Variants in ANK3 observed in about 807,000 individuals in gnomAD.
ANK3 encodes ankyrin-3.
A neutral mutation model predicts 370.9 loss-of-function variants in ANK3; 57 were observed. The ratio of observed to expected loss-of-function variants is 0.15; its 90% CI spans 0.12 to 0.19. The LOEUF is 0.19. ANK3 is among the 10% of genes least tolerant of loss of function. The pLI is 1.00. For missense variants in ANK3, 4,439 were observed against 5,302.1 expected, an observed-to-expected ratio of 0.84 and a Z score of 5.06; for synonymous variants, 1,929 against 1,946.3, an observed-to-expected ratio of 0.99 and a Z score of 0.23.
chr10:60,525,229 CT>C (rs1339845606), intron 2 of ANK3, among the ~76,000 whole-genome samples: 1 of 152,034 alleles, frequency 6.6e-6, no homozygotes, highest in Non-Finnish European at 1.5e-5. Context: ...AAACATCCAT[CT>C]TGAAAAGAGA....
Position 60,073,853 on chromosome 10 carries a change from G to T in ANK3, c.7028C>A (p.Thr2343Asn). ...TTTGGTTTCTCTAATAATGACTTCA[G>T]TGGGCTCAGCTTGGTTACCTTTTTC... Reference protein sequence around the residue: ...HIEKGNQAEPTEVIIRETKKH... With the variant: ...HIEKGNQAEPNEVIIRETKKH... Residue 2343 changes from threonine (T) to asparagine (N), a missense_variant, in exon 37 of 44, where the codon ACT becomes AAT. By Grantham distance (65) the Thr-to-Asn change is moderately conservative. This residue lies in a region of ANK3 where 1,601 missense variants were observed against 1,731.7 expected (regional missense o/e 0.92). Transcript: ENST00000280772. 1 of 1,613,654 alleles carries T rather than the reference G, an allele frequency of 6.2e-7. No homozygotes were observed. Among genetic ancestry groups the T allele is most frequent in the Non-Finnish European group, 8.5e-7 (1 of 1,180,004 alleles).
intron 24 of ANK3, among the ~76,000 whole-genome samples, chr10:60,134,585 A>T (rs1291674963): frequency 6.6e-6 from 1 of 152,232 alleles, no homozygotes; most frequent in Non-Finnish European, 1.5e-5. Flanking sequence ...GTTTAAAATT[A>T]GGCCAATTTT....
At chr10:60,635,567 C>T (rs2078542530) in intron 1 of ANK3, among the ~76,000 whole-genome samples, 2 of 152,132 alleles carry the variant, frequency 1.3e-5, no homozygotes, top group South Asian at 4.1e-4. Flanking sequence ...GAACATTTCA[C>T]ATATGACCTC....
Position 60,665,359 on chromosome 10 carries a change from A to G in ANK3, c.58-50135T>C, listed in dbSNP as rs550220044. On this transcript the variant is annotated intron_variant, in intron 1 of 43. Coordinates refer to the ANK3 transcript ENST00000373827. ...AAAGAGCATTTTCTAAGATGCTAAAACATGCTCGTCATTGTGCCTGATGAG... is the reference window on the plus strand; with the variant it reads ...AAAGAGCATTTTCTAAGATGCTAAAGCATGCTCGTCATTGTGCCTGATGAG... Among the ~76,000 whole-genome samples, 4 of 152,368 alleles carry G rather than the reference A, an allele frequency of 2.6e-5. No homozygotes were observed. The South Asian group carries it at 6.2e-4, about 24-fold the overall frequency.
intron 1 of ANK3, among the ~76,000 whole-genome samples, chr10:60,711,562 C>T (rs1410914420): frequency 2.6e-5 from 4 of 151,284 alleles, no homozygotes; most frequent in East Asian, 1.9e-4. Flanking sequence ...AAGAAGAAAT[C>T]GAATATTCAA....
chr10:60,627,545 G>A (rs562110230), intron 1 of ANK3, among the ~76,000 whole-genome samples: 5 of 152,084 alleles, frequency 3.3e-5, no homozygotes, highest in Non-Finnish European at 7.4e-5. Flanking sequence ...TTGGTATACA[G>A]TATAAAAGAC....
chr10:60,189,443 T>C (rs1284006785), intron 16 of ANK3, among the ~76,000 whole-genome samples: 2 of 152,208 alleles, frequency 1.3e-5, no homozygotes, highest in Admixed American at 6.5e-5. Context: ...ATTACTATTA[T>C]TGCTCAAGGA....
intron 7 of ANK3, among the ~76,000 whole-genome samples, chr10:60,259,587 G>C (rs1014213576): frequency 6.6e-6 from 1 of 152,178 alleles, no homozygotes; most frequent in African/African-American, 2.4e-5. Context: ...CACAGTCATT[G>C]TTTTAATGCA....
In ANK3 at chr10:60,625,637, A is replaced by C. The variant is rs187007308; in HGVS notation, c.58-10413T>G. ...TGATTATACCTGGCTCATCCTCCCCACTTATTTCCTATCTCCATTATTTCT... is the reference window on the plus strand; with the variant it reads ...TGATTATACCTGGCTCATCCTCCCCCCTTATTTCCTATCTCCATTATTTCT... On this transcript the variant is annotated intron_variant, in intron 1 of 43. Coordinates refer to the ANK3 transcript ENST00000373827. Among the ~76,000 whole-genome samples the C allele has an allele frequency of 1.6e-4, 25 of 152,206 alleles. No homozygotes were observed. The East Asian group carries it at 4.6e-3, about 28-fold the overall frequency.
intron 43 of ANK3, among the ~76,000 whole-genome samples, chr10:60,042,075 A>C (rs1440311666): frequency 2.6e-5 from 4 of 152,228 alleles, no homozygotes; most frequent in African/African-American, 9.6e-5. Context: ...AAATAACGTG[A>C]TCTGTAAAGA....
chr10:60,220,103 C>T (rs990959004), intron 8 of ANK3, among the ~76,000 whole-genome samples: 13 of 152,216 alleles, frequency 8.5e-5, no homozygotes, highest in South Asian at 8.3e-4. Context: ...AATGTAAAAC[C>T]TGAAGACATC....
chr10:60,086,600 A>G, intron 30 of ANK3, 77 bp downstream of exon 30: 4 of 1,300,866 alleles, frequency 3.1e-6, no homozygotes, highest in Non-Finnish European at 2.1e-6. Flanking sequence ...CAAAGGTTTT[A>G]TATCTTTGTA....
At chr10:60,157,609 A>T (rs2095372420) in intron 23 of ANK3, among the ~76,000 whole-genome samples, 1 of 151,978 alleles carries the variant, frequency 6.6e-6, no homozygotes, top group Non-Finnish European at 1.5e-5. Flanking sequence ...TTTAACAGAG[A>T]TTAAAATAAT....
intron 2 of ANK3, among the ~76,000 whole-genome samples, chr10:60,420,446 C>G (rs1427633854): frequency 6.6e-6 from 1 of 151,960 alleles, no homozygotes; most frequent in Non-Finnish European, 1.5e-5. Context: ...GAGAGAATGA[C>G]CCCAGGCCTT....
chr10:60,240,016 C>CATATATATACACAT (rs10629894), intron 7 of ANK3, among the ~76,000 whole-genome samples: 4 of 141,718 alleles, frequency 2.8e-5, no homozygotes, highest in African/African-American at 7.7e-5. Context: ...AATATATACA[C>CATATATATACACAT]ATATATACAC....
intron 2 of ANK3, among the ~76,000 whole-genome samples, chr10:60,415,390 A>C (rs1324625744): frequency 1.3e-5 from 2 of 152,152 alleles, no homozygotes; most frequent in African/African-American, 4.8e-5. Context: ...AGAACCTTTA[A>C]ATTCCTCTTA....
chr10:60,205,970 C>T, intron 10 of ANK3, 80 bp from the exon 11 acceptor site: 1 of 905,362 alleles, frequency 1.1e-6, no homozygotes, highest in Non-Finnish European at 1.8e-6. Context: ...AATAGTTTTG[C>T]TAAAATGATG....
intron 8 of ANK3, among the ~76,000 whole-genome samples, chr10:60,230,707 G>A (rs1449867046): frequency 3.9e-5 from 6 of 152,046 alleles, no homozygotes; most frequent in Non-Finnish European, 5.9e-5. Flanking sequence ...TGGCTAACAC[G>A]GTGAAACCCC....
chr10:60,299,138 C>T (rs2043159958), intron 1 of ANK3, among the ~76,000 whole-genome samples: 1 of 152,120 alleles, frequency 6.6e-6, no homozygotes, highest in African/African-American at 2.4e-5. Context: ...CCCTTAAAAA[C>T]TCTTTCTCTG....
Sources: gnomAD v4.1 joint callset for allele counts (sites outside exome capture counted in the v4.1 genomes callset) on GRCh38, gnomAD v4.1.1 for gene constraint, gnomAD v4.1.1 regional missense constraint, MANE v1.5 for transcripts, NCBI Gene and HGNC (gene_info 2026-07-23, HGNC 2026-07-21) for gene names.